Variants in IPO7 observed in about 807,000 individuals in gnomAD.
The protein encoded by IPO7 is importin 7.
In IPO7, 13 loss-of-function variants were observed where a neutral mutation model predicts 136.4. The ratio of observed to expected loss-of-function variants is 0.10; its 90% CI spans 0.06 to 0.15. The LOEUF is 0.15. IPO7 is among the 10% of genes least tolerant of loss of function. The pLI is 1.00. For missense variants in IPO7, 857 were observed against 1,240.6 expected (o/e 0.69, Z 4.65); for synonymous variants, 403 against 404.4 (o/e 1.00, Z 0.04).
At chr11:9,390,311 C>T (rs564482043) in intron 1 of IPO7, among the ~76,000 whole-genome samples, 12 of 149,838 alleles carry the variant, frequency 8.0e-5, no homozygotes, top group African/African-American at 3.0e-4. Context: ...TTTTTTTTAA[C>T]TCACACTACC....
chr11:9,426,900 C>T (rs1028538799), intron 12 of IPO7, among the ~76,000 whole-genome samples: 2 of 107,720 alleles, frequency 1.9e-5, no homozygotes, highest in South Asian at 2.9e-4. Flanking sequence ...CTGAGATTTC[C>T]GCCTCCCCGC....
chr11:9,433,335 T>G (rs572942773), intron 16 of IPO7: 2 of 492,628 alleles, frequency 4.1e-6, no homozygotes, highest in African/African-American at 3.9e-5. Flanking sequence ...TGTTGTTTTT[T>G]CCTTTTTAGG....
chr11:9,417,843 G>T (rs1855063493), intron 6 of IPO7, among the ~76,000 whole-genome samples: 1 of 150,418 alleles, frequency 6.6e-6, no homozygotes, highest in African/African-American at 2.5e-5. Context: ...CTCTCAAGTA[G>T]CTGGGACTAC....
At chr11:9,405,662 A>G (rs1021070045) in intron 2 of IPO7, among the ~76,000 whole-genome samples, 2 of 151,440 alleles carry the variant, frequency 1.3e-5, no homozygotes, top group African/African-American at 2.4e-5. Context: ...AGCTCAAGTG[A>G]TCTGCCTTCC....
intron 14 of IPO7, among the ~76,000 whole-genome samples, 167 bp from the exon 15 acceptor site, chr11:9,429,507 T>C (rs924522587): frequency 2.5e-4 from 38 of 151,674 alleles, no homozygotes; most frequent in African/African-American, 8.2e-4. Context: ...CTGCCTCTTA[T>C]AAAATATATA....
intron 2 of IPO7, 98 bp from the exon 3 acceptor site, chr11:9,408,388 C>T (rs528545856): frequency 5.3e-5 from 34 of 637,684 alleles, no homozygotes; most frequent in Non-Finnish European, 7.0e-5. Context: ...GCTTTACAAA[C>T]GGTAGTGTGA....
In IPO7 at chr11:9,385,611, A is replaced by G. The variant is rs1854541826; in HGVS notation, c.84+764A>G. 2.6e-5 allele frequency among the ~76,000 whole-genome samples: 4 copies of G among 152,236 alleles called. No homozygotes were observed. The East Asian group carries it at 5.8e-4, about 22-fold the overall frequency. The stretch of plus-strand genomic sequence containing the variant: ...AACCTCTTGATCCTGAGTTTTTCCC[A>G]TTCATAAAATTACGCCACAGAGTTG... On this transcript the variant is annotated intron_variant, in intron 1 of 24. Coordinates refer to ENST00000379719, the MANE Select transcript of IPO7 (RefSeq NM_006391.3).
intron 2 of IPO7, among the ~76,000 whole-genome samples, chr11:9,404,407 G>T (rs965758508): frequency 6.6e-6 from 1 of 151,744 alleles, no homozygotes; most frequent in African/African-American, 2.4e-5. Context: ...GGAGCTTGCA[G>T]TGAGCCGAGT....
chr11:9,398,199 A>G (rs979452534), intron 1 of IPO7, among the ~76,000 whole-genome samples: 7 of 152,154 alleles, frequency 4.6e-5, no homozygotes, highest in African/African-American at 7.2e-5. Flanking sequence ...GGCTCTTCCA[A>G]TTCATTCAGT....
At chr11:9,443,409 G>A (rs570628006) in intron 24 of IPO7, among the ~76,000 whole-genome samples, 4 of 150,040 alleles carry the variant, frequency 2.7e-5, no homozygotes, top group South Asian at 2.1e-4. Flanking sequence ...CCTGACCAAC[G>A]TGGAGAAACC....
chr11:9,440,326 A>G, intron 22 of IPO7, 129 bp from the exon 23 acceptor site: 1 of 743,310 alleles, frequency 1.3e-6, no homozygotes. Context: ...GTATTTAAAC[A>G]CCAATTCCTG....
intron 1 of IPO7, among the ~76,000 whole-genome samples, chr11:9,391,067 G>A (rs1343050029): frequency 6.6e-6 from 1 of 152,146 alleles, no homozygotes; most frequent in Non-Finnish European, 1.5e-5. Flanking sequence ...ACAGCGCCCG[G>A]CTGCTAAATG....
At chr11:9,388,646 T>A (rs1854585823) in intron 1 of IPO7, among the ~76,000 whole-genome samples, 1 of 151,540 alleles carries the variant, frequency 6.6e-6, no homozygotes, top group African/African-American at 2.4e-5. Context: ...GCCCAATTAA[T>A]TTTTGTATTT....
At chr11:9,437,543 C>T (rs1440014478) in intron 20 of IPO7, among the ~76,000 whole-genome samples, 3 of 152,150 alleles carry the variant, frequency 2.0e-5, no homozygotes, top group Non-Finnish European at 4.4e-5. Flanking sequence ...CGTGAGCCAC[C>T]ACTCCCGGCC....
rs537892889 is a variant in IPO7, at chr11:9,438,380, A to C, written c.2695+95A>C. 4 of 765,492 alleles carry C rather than the reference A, an allele frequency of 5.2e-6. No individual in the cohort carries two copies. The East Asian group carries it at 1.1e-4, about 20-fold the overall frequency. 47.4% of individuals were successfully genotyped at this position (765,492 alleles called of 1,614,324 possible). A position where few individuals can be genotyped will look rare whatever the true frequency, so the allele number is the denominator to read the frequency against. On this transcript the variant is annotated intron_variant, in intron 22 of 24. Coordinates refer to ENST00000379719, the MANE Select transcript of IPO7 (RefSeq NM_006391.3). The stretch of plus-strand genomic sequence containing the variant: ...AGTGGCTCAGGCCTGTAATCCCAGC[A>C]CTTTGGGAGGCTGAGGCAGGTGGAT...
At position 9,447,716 on chromosome 11, in the gene IPO7, T is replaced by C. The variant is rs1029628795; in HGVS notation, c.*2522T>C. On this transcript the variant is annotated 3_prime_UTR_variant, in exon 25 of 25. Transcript: ENST00000379719. ...AGTATTTGTCTTTGTTAATGGCACA[T>C]ATTAGCATAAATCACTTTTGTAAAT... 1.3e-5 allele frequency: 2 copies of C among 152,208 alleles called. No homozygotes were observed. The highest frequency in any genetic ancestry group is 2.9e-5 in the Non-Finnish European group (2 of 68,034). The allele number at this position is 152,208 out of a possible 1,614,324, so 9.4% of individuals were successfully genotyped here.
intron 1 of IPO7, among the ~76,000 whole-genome samples, chr11:9,394,656 T>C (rs1854684179): frequency 1.3e-5 from 2 of 152,208 alleles, no homozygotes; most frequent in Admixed American, 1.3e-4. Context: ...CTGTTCAAAG[T>C]CTTCTCTGAT....
At position 9,396,085 on chromosome 11, in the gene IPO7, T is replaced by C. The variant is rs1369146298; in HGVS notation, c.85-7205T>C. Among the ~76,000 whole-genome samples the C allele has an allele frequency of 1.4e-4, 22 of 152,066 alleles. 1 individual carries two copies. The highest frequency in any genetic ancestry group is 1.4e-3 in the Admixed American group (21 of 15,256). On this transcript the variant is annotated intron_variant, in intron 1 of 24. Coordinates refer to ENST00000379719, the MANE Select transcript of IPO7 (RefSeq NM_006391.3). The stretch of plus-strand genomic sequence containing the variant: ...ATTTATACTTATATGTTTTTGAAGG[T>C]AATAAGGTTAATAAAGTGTTGAGTG...
rs1023348205 is a variant in IPO7, at chr11:9,408,481, T to C, written c.167-5T>C. The C allele has an allele frequency of 7.9e-6, 12 of 1,523,206 alleles. No individual in the cohort carries two copies. Among genetic ancestry groups the C allele is most frequent in the Admixed American group, 2.2e-5 (1 of 45,188 alleles). The allele number at this position is 1,523,206 out of a possible 1,614,324, so 94.4% of individuals were successfully genotyped here. A position where few individuals can be genotyped will look rare whatever the true frequency, so the allele number is the denominator to read the frequency against. Reference sequence around the variant, plus strand: ...ATTCTTTTGTCAAACTGATCTGTATTTTAGGTGTTATCTATCTGAAAAATA... The same window carrying C: ...ATTCTTTTGTCAAACTGATCTGTATCTTAGGTGTTATCTATCTGAAAAATA... On this transcript the variant is annotated splice_region_variant and splice_polypyrimidine_tract_variant and intron_variant, in intron 2 of 24. Coordinates refer to ENST00000379719, the MANE Select transcript of IPO7 (RefSeq NM_006391.3).
Sources: gnomAD v4.1 joint callset for allele counts (sites outside exome capture counted in the v4.1 genomes callset) on GRCh38, gnomAD v4.1.1 for gene constraint, MANE v1.5 for transcripts, NCBI Gene and HGNC (gene_info 2026-07-23, HGNC 2026-07-21) for gene names.